Variants in SPCS2 observed in about 807,000 individuals in gnomAD.
SPCS2 encodes the protein signal peptidase complex subunit 2, also known as SPase 25 kDa subunit.
SPCS2 carries 3 observed loss-of-function variants against 22.3 expected under a neutral mutation model. The ratio of observed to expected loss-of-function variants is 0.13; its 90% CI spans 0.06 to 0.35. The LOEUF is 0.35. SPCS2 is among the 10% of genes least tolerant of loss of function. The pLI is 1.00. For synonymous variants in SPCS2, 67 were observed against 97.2 expected, an observed-to-expected ratio of 0.69 and a Z score of 1.83; for missense variants, 169 against 280.9, an observed-to-expected ratio of 0.60 and a Z score of 2.85.
rs751308635 is a variant in SPCS2, at chr11:74,957,125, A to G, written c.114+7726A>G. Among the ~76,000 whole-genome samples the G allele has an allele frequency of 3.9e-5, 6 of 152,178 alleles. No individual in the cohort carries two copies. The South Asian group carries it at 1.0e-3, about 26-fold the overall frequency. Reference sequence around the variant, plus strand: ...TGCAGAATTTGTCTTGTTTATGACTATATCCCTAGTGGCTAGAACAGTGCT... The same window carrying G: ...TGCAGAATTTGTCTTGTTTATGACTGTATCCCTAGTGGCTAGAACAGTGCT... On this transcript the variant is annotated intron_variant, in intron 1 of 4. Transcript: ENST00000263672.
rs560968532 is a variant in SPCS2 at position 74,964,055 on chromosome 11, G to A, written c.115-979G>A. 3.0e-4 allele frequency among the ~76,000 whole-genome samples: 46 copies of A among 152,106 alleles called. 1 individual carries two copies. The highest frequency in any genetic ancestry group is 5.1e-4 in the Non-Finnish European group (35 of 68,028). On this transcript the variant is annotated intron_variant, in intron 1 of 4. Coordinates refer to ENST00000263672, the MANE Select transcript of SPCS2 (RefSeq NM_014752.3). Reference sequence around the variant, plus strand: ...ACATAGAGTAATCTTACTCCTCCCCGTATTTCTCTACCCTGATAAGATATC... The same window carrying A: ...ACATAGAGTAATCTTACTCCTCCCCATATTTCTCTACCCTGATAAGATATC...
Position 74,962,423 on chromosome 11 carries a change from C to G in SPCS2, c.115-2611C>G, listed in dbSNP as rs561641480. ...GGACCCAGGTTCACTTATTTCTGCA[C>G]ACTGCCCTTCTTTTTAATTTATCCT... On this transcript the variant is annotated intron_variant, in intron 1 of 4. Transcript: ENST00000263672. 7.2e-5 allele frequency among the ~76,000 whole-genome samples: 11 copies of G among 152,238 alleles called. No homozygotes were observed. In the South Asian group the frequency reaches 1.9e-3, roughly 26 times the overall value.
chr11:74,954,606 G>A (rs1948465729), intron 1 of SPCS2, among the ~76,000 whole-genome samples: 1 of 152,188 alleles, frequency 6.6e-6, no homozygotes, highest in Non-Finnish European at 1.5e-5. Context: ...CAAAGAAGAT[G>A]AACGGTTTTA....
chr11:74,956,440 A>G (rs1409360308), intron 1 of SPCS2, among the ~76,000 whole-genome samples: 1 of 152,160 alleles, frequency 6.6e-6, no homozygotes, highest in African/African-American at 2.4e-5. Context: ...CATTTCAGGT[A>G]GATACCTCCA....
intron 1 of SPCS2, chr11:74,963,572 T>C (rs536545257): frequency 7.8e-5 from 29 of 370,170 alleles, no homozygotes; most frequent in East Asian, 5.3e-4. Context: ...TGTTTGTTTA[T>C]TTATTTATTT....
At chr11:74,955,867 T>TTACTAATTAAA (rs1948475863) in intron 1 of SPCS2, among the ~76,000 whole-genome samples, 1 of 111,958 alleles carries the variant, frequency 8.9e-6, no homozygotes, top group South Asian at 2.8e-4. Flanking sequence ...TATATATATA[T>TTACTAATTAAA]ATATATATAT....
At chr11:74,966,957 G>A (rs77574052) in intron 3 of SPCS2, among the ~76,000 whole-genome samples, 3,173 of 152,142 alleles carry the variant, frequency 0.021, 129 homozygotes, top group African/African-American at 0.072. Context: ...GTCCTACTAC[G>A]TTGCCTAGGC....
intron 1 of SPCS2, among the ~76,000 whole-genome samples, chr11:74,962,841 A>G (rs908885340): frequency 5.9e-5 from 9 of 152,330 alleles, no homozygotes; most frequent in African/African-American, 1.9e-4. Context: ...GATTGCTTCT[A>G]GGTACCAGGC....
chr11:74,963,520 A>C (rs986899932), intron 1 of SPCS2: 1 of 393,156 alleles, frequency 2.5e-6, no homozygotes, highest in Non-Finnish European at 4.9e-6. Flanking sequence ...AATTATTTTT[A>C]TCCCATCTCT....
In SPCS2 at chr11:74,969,664, T is replaced by A. The variant is rs1438846601; in HGVS notation, c.459T>A (p.Pro153=). 4 of 1,613,622 alleles carry A rather than the reference T, an allele frequency of 2.5e-6. No individual in the cohort carries two copies. The highest frequency in any genetic ancestry group is 3.4e-6 in the Non-Finnish European group (4 of 1,179,682). ...GGAAAGATCCTACAGGAATGGATCC[T>A]GATGATATTTGGCAGCTGTCCTCCA... is the stretch of plus-strand genomic sequence containing the variant. ...AHRKDPTGMD[P]DDIWQLSSSL... The change falls in exon 4 of 5, where the codon CCT becomes CCA. Residue 153 remains proline, a synonymous_variant. Coordinates refer to ENST00000263672, the MANE Select transcript of SPCS2 (RefSeq NM_014752.3).
At chr11:74,962,430 C>T (rs979727899) in intron 1 of SPCS2, among the ~76,000 whole-genome samples, 1 of 152,044 alleles carries the variant, frequency 6.6e-6, no homozygotes, top group Non-Finnish European at 1.5e-5. Flanking sequence ...GCACACTGCC[C>T]TTCTTTTTAA....
intron 1 of SPCS2, among the ~76,000 whole-genome samples, chr11:74,958,367 G>A (rs1174907281): frequency 1.3e-5 from 2 of 152,194 alleles, no homozygotes. Context: ...AAGATTCAGT[G>A]TGTTGCTAAG....
chr11:74,949,997 C>G (rs1258835299), intron 1 of SPCS2, among the ~76,000 whole-genome samples: 1 of 152,124 alleles, frequency 6.6e-6, no homozygotes, highest in African/African-American at 2.4e-5. Flanking sequence ...CCACCTCCCT[C>G]TTTGCTACCA....
At chr11:74,952,604 A>C (rs1331320653) in intron 1 of SPCS2, among the ~76,000 whole-genome samples, 1 of 152,182 alleles carries the variant, frequency 6.6e-6, no homozygotes, top group Non-Finnish European at 1.5e-5. Context: ...GGCATGAGCC[A>C]CCGCACCCAG....
At chr11:74,964,407 T>G (rs969203896) in intron 1 of SPCS2, among the ~76,000 whole-genome samples, 1 of 152,154 alleles carries the variant, frequency 6.6e-6, no homozygotes, top group South Asian at 2.1e-4. Context: ...TGGGACTGAG[T>G]CTGGGACTTG....
intron 3 of SPCS2, among the ~76,000 whole-genome samples, chr11:74,966,495 G>T (rs147212481): frequency 4.6e-5 from 7 of 152,228 alleles, no homozygotes; most frequent in African/African-American, 1.7e-4. Flanking sequence ...TTTTTGAGAT[G>T]ATTTGAATAC....
intron 1 of SPCS2, chr11:74,963,705 CTCTT>C (rs1484967972): frequency 2.9e-6 from 1 of 342,164 alleles, no homozygotes; most frequent in Admixed American, 3.8e-5. Context: ...CCACTGCCAT[CTCTT>C]TATTTCTTAT....
intron 1 of SPCS2, among the ~76,000 whole-genome samples, chr11:74,961,530 T>C (rs955312401): frequency 2.9e-5 from 4 of 139,466 alleles, no homozygotes; most frequent in Non-Finnish European, 6.3e-5. Context: ...GTTGTTGTTG[T>C]TGTTTGTTTG....
intron 1 of SPCS2, among the ~76,000 whole-genome samples, chr11:74,953,204 T>C (rs1301085317): frequency 5.3e-5 from 8 of 151,674 alleles, no homozygotes; most frequent in African/African-American, 1.9e-4. Context: ...GAGAAGCTAT[T>C]ACCTTTAATA....
Sources: allele counts gnomAD v4.1 joint callset (sites outside exome capture counted in the v4.1 genomes callset), GRCh38; gene constraint gnomAD v4.1.1; transcripts MANE v1.5; gene names NCBI Gene and HGNC (gene_info 2026-07-23, HGNC 2026-07-21).